The following ABCC5 variants were observed in gnomAD, a reference collection of about 807,000 sequenced individuals.
The protein encoded by ABCC5 is ATP-binding cassette sub-family C member 5.
A neutral mutation model predicts 160.9 loss-of-function variants in ABCC5; 61 were observed. The ratio of observed to expected loss-of-function variants is 0.38; its 90% CI spans 0.31 to 0.47. The LOEUF (loss-of-function observed/expected upper bound fraction) is 0.47. ABCC5 is among the 20% of genes least tolerant of loss of function. ABCC5 has a pLI of 0.99. For synonymous variants in ABCC5, 666 were observed against 700.6 expected (o/e 0.95, Z 0.78); for missense variants, 1,308 against 1,813.3 (o/e 0.72, Z 5.06).
chr3:183,925,056 G>A (rs1438990904), intron 29 of ABCC5, among the ~76,000 whole-genome samples: 1 of 152,232 alleles, frequency 6.6e-6, no homozygotes, highest in Non-Finnish European at 1.5e-5. Context: ...CTGTGGGAAC[G>A]CCTGAAACAA....
In ABCC5 at chr3:183,987,470, AC is replaced by A; in HGVS notation, c.591+299del. The A allele has an allele frequency of 1.7e-6, 1 of 598,096 alleles. No homozygotes were observed. Among genetic ancestry groups the A allele is most frequent in the Non-Finnish European group, 3.0e-6 (1 of 335,662 alleles). 37.0% of individuals were successfully genotyped at this position (598,096 alleles called of 1,614,324 possible). ...AGCACTGCAAGACACATCTGCCTGC[AC>A]CGACTGTCAGTTCATGTTAACACAC... On this transcript the variant is annotated intron_variant, in intron 5 of 29. Transcript: ENST00000334444. This position sits in a 1 kb window ranked among gnomAD's most constrained non-coding sequence, Gnocchi z 4.2.
chr3:183,956,465 C>T lies in ABCC5; in HGVS notation c.2483-3195G>A, dbSNP rs542697174. Reference sequence around the variant, plus strand: ...GTGTGTAAATCACATCGGTTACATGCGGATCCGTGTGTATATCACATCTGT... The same window carrying T: ...GTGTGTAAATCACATCGGTTACATGTGGATCCGTGTGTATATCACATCTGT... On this transcript the variant is annotated intron_variant, in intron 17 of 29. Coordinates refer to ENST00000334444, the MANE Select transcript of ABCC5 (RefSeq NM_005688.4). 2.8e-4 allele frequency among the ~76,000 whole-genome samples: 43 copies of T among 150,906 alleles called. 1 individual carries two copies. Among genetic ancestry groups the T allele is most frequent in the African/African-American group, 9.1e-4 (37 of 40,770 alleles).
Position 183,925,709 on chromosome 3 carries a change from A to G in ABCC5, c.4058T>C (p.Leu1353Ser). ...ALLRHCKILILDEATAAMDTE... is the reference protein window; with the variant it reads ...ALLRHCKILISDEATAAMDTE... ...GTCCATGGCAGCTGTGGCTTCATCT[A>G]AAATCAGAATCTGCCAGAGAAGCAG... is the stretch of plus-strand genomic sequence containing the variant. Residue 1353 changes from leucine to serine, a missense_variant, in exon 29 of 30, where the codon TTA (leucine) becomes TCA (serine). Around this residue, in one of 3 missense-constraint regions of ABCC5, gnomAD observed 163 missense variants for 269.7 expected, o/e 0.60. Coordinates refer to ENST00000334444, the MANE Select transcript of ABCC5 (RefSeq NM_005688.4). The G allele has an allele frequency of 1.2e-6, 2 of 1,612,786 alleles. No homozygotes were observed. The highest frequency in any genetic ancestry group is 1.7e-6 in the Non-Finnish European group (2 of 1,179,738).
At chr3:183,945,407 T>C (rs1032639845) in intron 24 of ABCC5, among the ~76,000 whole-genome samples, 2 of 152,174 alleles carry the variant, frequency 1.3e-5, no homozygotes, top group Admixed American at 1.3e-4. Context: ...TTTCAAACTA[T>C]AGAAGCCTGG....
intron 10 of ABCC5, among the ~76,000 whole-genome samples, chr3:183,972,727 CT>C (rs1199506666): frequency 6.6e-6 from 1 of 152,168 alleles, no homozygotes; most frequent in Non-Finnish European, 1.5e-5. Context: ...TCACTGCAAC[CT>C]CCACCTCCCA....
intron 27 of ABCC5, 115 bp downstream of exon 27, chr3:183,928,632 C>T: frequency 4.5e-6 from 4 of 898,420 alleles, no homozygotes; most frequent in South Asian, 3.0e-5. Flanking sequence ...TGCCACGAAG[C>T]CTTTGTCCAC....
intron 2 of ABCC5, among the ~76,000 whole-genome samples, chr3:184,005,421 A>G (rs1208753555): frequency 6.6e-6 from 1 of 152,176 alleles, no homozygotes; most frequent in Non-Finnish European, 1.5e-5. Context: ...TAAATAGGCT[A>G]ACTCCTTAAA....
intron 29 of ABCC5, among the ~76,000 whole-genome samples, chr3:183,924,202 T>G (rs1373202310): frequency 6.6e-6 from 1 of 152,034 alleles, no homozygotes; most frequent in Non-Finnish European, 1.5e-5. Flanking sequence ...GTATTTTTGG[T>G]AGAGACGGCG....
At position 183,950,201 on chromosome 3, in the gene ABCC5, G is replaced by A. The variant is rs549707889; in HGVS notation, c.2945-76C>T. 10 of 1,471,066 alleles carry A rather than the reference G, an allele frequency of 6.8e-6. No homozygotes were observed. The Admixed American group carries it at 2.5e-4, about 36-fold the overall frequency. 91.1% of individuals were successfully genotyped at this position (1,471,066 alleles called of 1,614,324 possible). A position where few individuals can be genotyped will look rare whatever the true frequency, so the allele number is the denominator to read the frequency against. On this transcript the variant is annotated intron_variant, in intron 20 of 29. Transcript: ENST00000334444. The stretch of plus-strand genomic sequence containing the variant: ...CTGAAAATTGAAAAAAACAAAAAGG[G>A]GTTCCACAAACTCTCTATCTGAAGT...
rs748818572 is a variant in ABCC5, at chr3:183,968,437, G to A, written c.1762-671C>T. On this transcript the variant is annotated intron_variant, in intron 11 of 29. Transcript: ENST00000334444. ...CCATATTCTTTATTTACTTGTTTTT[G>A]TTGTTTGCCAGAAGAGAGGGCAGGA... 6.0e-4 allele frequency among the ~76,000 whole-genome samples: 91 copies of A among 152,156 alleles called. 1 individual carries two copies. The highest frequency in any genetic ancestry group is 4.6e-4 in the Non-Finnish European group (31 of 68,006).
At chr3:183,955,429 C>T (rs939730788) in intron 17 of ABCC5, among the ~76,000 whole-genome samples, 5 of 152,206 alleles carry the variant, frequency 3.3e-5, no homozygotes, top group Non-Finnish European at 1.5e-5. Flanking sequence ...GCACGTCCAA[C>T]ATTGTCTTCC....
At chr3:183,998,111 A>C (rs576061267) in intron 2 of ABCC5, among the ~76,000 whole-genome samples, 2 of 152,184 alleles carry the variant, frequency 1.3e-5, no homozygotes, top group South Asian at 4.1e-4. Flanking sequence ...TAATAGTATA[A>C]TATACAATTA....
chr3:183,956,252 GTAAA>G lies in ABCC5; in HGVS notation c.2483-2986_2483-2983del, dbSNP rs1298600086. Reference sequence around the variant, plus strand: ...ACATCGGTTACATGCAGATCCGTGTGTAAATCACATCGGTTACATGCAGATCCGT... The same window carrying G: ...ACATCGGTTACATGCAGATCCGTGTGTCACATCGGTTACATGCAGATCCGT... On this transcript the variant is annotated intron_variant, in intron 17 of 29. Transcript: ENST00000334444. 2.0e-3 allele frequency among the ~76,000 whole-genome samples: 298 copies of G among 148,374 alleles called. 1 individual carries two copies. The highest frequency in any genetic ancestry group is 6.1e-3 in the East Asian group (30 of 4,884).
intron 28 of ABCC5, among the ~76,000 whole-genome samples, chr3:183,927,013 C>A (rs896228260): frequency 6.6e-6 from 1 of 152,002 alleles, no homozygotes; most frequent in Non-Finnish European, 1.5e-5. Flanking sequence ...CCACTACACT[C>A]CAGCCTGGAG....
At chr3:184,011,355 A>C (rs1254586987) in intron 2 of ABCC5, 2 of 152,238 alleles carry the variant, frequency 1.3e-5, no homozygotes, top group East Asian at 3.8e-4. Context: ...TTAAAACCAC[A>C]ATCAGATACC....
chr3:183,934,419 A>C (rs1713486542), intron 26 of ABCC5, among the ~76,000 whole-genome samples: 3 of 152,212 alleles, frequency 2.0e-5, no homozygotes, highest in Admixed American at 1.3e-4. Flanking sequence ...TCTACTACAG[A>C]CTAAAAAGCC....
rs544052133 is a variant in ABCC5, at chr3:183,922,327, G to A, written c.4213-926C>T. ...GCGGAGGTTGTGGTGAGCAGAGATC[G>A]TGCTATTGCACTCCCAGCCTGGGCA... On this transcript the variant is annotated intron_variant, in intron 29 of 29. Coordinates refer to ENST00000334444, the MANE Select transcript of ABCC5 (RefSeq NM_005688.4). Among the ~76,000 whole-genome samples, 367 of 152,256 alleles carry A rather than the reference G, an allele frequency of 2.4e-3. 4 individuals carry two copies. Among genetic ancestry groups the A allele is most frequent in the African/African-American group, 8.0e-3 (333 of 41,560 alleles).
chr3:183,923,106 T>G (rs962114374), intron 29 of ABCC5, among the ~76,000 whole-genome samples: 23 of 151,974 alleles, frequency 1.5e-4, no homozygotes, highest in African/African-American at 5.3e-4. Flanking sequence ...TGCTCGTCTC[T>G]GGGGGTAAAT....
chr3:183,928,336 T>C (rs1264608292), intron 27 of ABCC5, among the ~76,000 whole-genome samples: 1 of 152,136 alleles, frequency 6.6e-6, no homozygotes, highest in East Asian at 1.9e-4. Flanking sequence ...GGTCTCGAAC[T>C]CCTGACCTCA....
Sources: allele counts gnomAD v4.1 joint callset (sites outside exome capture counted in the v4.1 genomes callset), GRCh38; gene constraint gnomAD v4.1.1; regional missense constraint gnomAD v4.1.1; non-coding constraint Gnocchi (gnomAD v3.1); transcripts MANE v1.5; gene names NCBI Gene and HGNC (gene_info 2026-07-23, HGNC 2026-07-21).